Variants in APP observed in about 807,000 individuals in gnomAD.
APP encodes the protein amyloid-beta precursor protein.
Under a neutral mutation model 101.4 loss-of-function variants are expected in APP, and 31 were observed. The observed-to-expected ratio is 0.31, with a 90% confidence interval of 0.23 to 0.41. APP has a LOEUF of 0.41. Among genes scored for constraint, APP ranks in the 10% least tolerant of loss-of-function variants. The pLI, the probability that APP is intolerant of heterozygous loss-of-function variation, is 1.00. For synonymous variants in APP, 366 were observed against 364.4 expected (o/e 1.00, Z -0.05); for missense variants, 839 against 1,003.7 (o/e 0.84, Z 2.22).
chr21:26,034,372 C>T (rs1050644853), intron 5 of APP, among the ~76,000 whole-genome samples: 4 of 152,064 alleles, frequency 2.6e-5, no homozygotes, highest in Non-Finnish European at 5.9e-5. Context: ...CGGCCAGGCA[C>T]GGTGGCTCAG....
In APP at chr21:25,891,863, G is replaced by A. The variant is rs201724975; in HGVS notation, c.2070C>T (p.Phe690=). The A allele has an allele frequency of 1.9e-6, 3 of 1,613,548 alleles. No homozygotes were observed. Among genetic ancestry groups the A allele is most frequent in the African/African-American group, 1.3e-5 (1 of 74,840 alleles). The change falls in exon 17 of 18, where the codon TTC becomes TTT. Residue 690 remains phenylalanine, a synonymous_variant. Coordinates refer to ENST00000346798, the MANE Select transcript of APP (RefSeq NM_000484.4). ...TGTTTGAACCCACATCTTCTGCAAAGAACACCTTGAAAACAAATTAAGAAA... is the reference window on the plus strand; with the variant it reads ...TGTTTGAACCCACATCTTCTGCAAAAAACACCTTGAAAACAAATTAAGAAA... ...GYEVHHQKLV[F]FAEDVGSNKG...
At chr21:26,154,389 C>T (rs972091097) in intron 1 of APP, among the ~76,000 whole-genome samples, 5 of 152,064 alleles carry the variant, frequency 3.3e-5, no homozygotes, top group South Asian at 2.1e-4. Flanking sequence ...CCCAAAAGGT[C>T]CCCCCATTCC....
At chr21:26,017,644 C>T (rs1245877550) in intron 6 of APP, among the ~76,000 whole-genome samples, 2 of 126 alleles carry the variant, frequency 0.016, no homozygotes, top group Non-Finnish European at 0.028. Context: ...TTCCTCTGGA[C>T]AGGGCACAAT....
intron 3 of APP, among the ~76,000 whole-genome samples, chr21:26,062,899 A>G (rs2046327646): frequency 6.6e-6 from 1 of 151,954 alleles, no homozygotes; most frequent in African/African-American, 2.4e-5. Flanking sequence ...GGTAGCTGGG[A>G]CTACAGGCAC....
At position 26,170,739 on chromosome 21, in the gene APP, T is replaced by A; in HGVS notation, c.-119A>T. On this transcript the variant is annotated 5_prime_UTR_variant, in exon 1 of 18. Coordinates refer to ENST00000346798, the MANE Select transcript of APP (RefSeq NM_000484.4). ...GGGCCCCCGCGCACGCTCCTCCGCG[T>A]GCTCTCGCCTACCGCTGCCGAGGAA... 9.2e-7 allele frequency: 1 copy of A among 1,081,268 alleles called. No homozygotes were observed. 67.0% of individuals were successfully genotyped at this position (1,081,268 alleles called of 1,614,324 possible).
chr21:26,158,534 T>C (rs8127388), intron 1 of APP, among the ~76,000 whole-genome samples: 58 of 152,192 alleles, frequency 3.8e-4, no homozygotes, highest in African/African-American at 1.4e-3. Context: ...GCCCATGAGA[T>C]TAAGCAGACC....
At chr21:26,058,955 C>CCTGTA (rs1293105095) in intron 3 of APP, among the ~76,000 whole-genome samples, 1 of 151,726 alleles carries the variant, frequency 6.6e-6, no homozygotes, top group Non-Finnish European at 1.5e-5. Flanking sequence ...GTAGCGGGCG[C>CCTGTA]CTGTAGTCCC....
At chr21:26,133,439 A>G (rs2062834752) in intron 1 of APP, among the ~76,000 whole-genome samples, 1 of 152,210 alleles carries the variant, frequency 6.6e-6, no homozygotes, top group South Asian at 2.1e-4. Context: ...TCATTAGACT[A>G]TGGATTCAGT....
chr21:26,100,647 A>G (rs1030928907), intron 2 of APP, among the ~76,000 whole-genome samples: 10 of 152,198 alleles, frequency 6.6e-5, no homozygotes, highest in African/African-American at 2.4e-4. Flanking sequence ...TAGAGGAGAA[A>G]GTTGGGCAAA....
intron 3 of APP, among the ~76,000 whole-genome samples, chr21:26,089,023 T>C (rs1391236622): frequency 1.3e-5 from 2 of 152,250 alleles, no homozygotes; most frequent in African/African-American, 4.8e-5. Context: ...ATATCCTTAC[T>C]TTGTAAGTTT....
intron 8 of APP, among the ~76,000 whole-genome samples, chr21:25,993,062 G>A (rs188254024): frequency 8.6e-5 from 13 of 151,802 alleles, no homozygotes; most frequent in Middle Eastern, 3.4e-3. Flanking sequence ...GAAAGGCTGC[G>A]TGGTGTGAGT....
At position 26,028,983 on chromosome 21, in the gene APP, T is replaced by C. The variant is rs1273631576; in HGVS notation, c.663-6941A>G. Among the ~76,000 whole-genome samples the C allele has an allele frequency of 7.2e-5, 11 of 152,188 alleles. No homozygotes were observed. In the East Asian group the frequency reaches 2.1e-3, roughly 29 times the overall value. On this transcript the variant is annotated intron_variant, in intron 5 of 17. Transcript: ENST00000346798. ...ACGGAAGAGCCATGTGAACTAAAAA[T>C]GCTGAAGTCGGGCACGGCAAAACCA...
chr21:26,083,104 T>A (rs1198409693), intron 3 of APP, among the ~76,000 whole-genome samples: 1 of 152,198 alleles, frequency 6.6e-6, no homozygotes, highest in Admixed American at 6.5e-5. Flanking sequence ...AGTATTAAAA[T>A]TTTCCTCCAT....
At chr21:26,059,890 CAAAAAAAAAAAAAAAAAA>C (rs57594630) in intron 3 of APP, among the ~76,000 whole-genome samples, 5 of 70,646 alleles carry the variant, frequency 7.1e-5, no homozygotes, top group East Asian at 5.5e-4. Context: ...GACTCCGTCT[CAAAAAAAAAAAAAAAAAA>C]AAAAAAAAAA....
At chr21:25,891,994 G>A in intron 16 of APP, 126 bp from the exon 17 acceptor site, 1 of 820,318 alleles carries the variant, frequency 1.2e-6, no homozygotes, top group Non-Finnish European at 1.8e-6. Flanking sequence ...TATATAAAAA[G>A]TTTCAGTATA....
chr21:25,904,896 TA>T, intron 15 of APP, 127 bp downstream of exon 15: 1 of 817,392 alleles, frequency 1.2e-6, no homozygotes, highest in Non-Finnish European at 2.1e-6. Flanking sequence ...GTTTGGTTTC[TA>T]AGGTCACTTC....
Position 25,955,741 on chromosome 21 carries a change from G to A in APP, c.1473C>T (p.Phe491=), listed in dbSNP as rs1481642232. The stretch of plus-strand genomic sequence containing the variant: ...CGCGGACATACTTCTTTAGCATATT[G>A]AACACGTGACGAGGCTGTGGGAGGA... ...QAVPPRPRHV[F]NMLKKYVRAE... Residue 491 remains phenylalanine, a synonymous_variant, in exon 12 of 18, where the codon TTC becomes TTT. Transcript: ENST00000346798. The A allele has an allele frequency of 1.9e-6, 3 of 1,613,978 alleles. No homozygotes were observed. The highest frequency in any genetic ancestry group is 2.5e-6 in the Non-Finnish European group (3 of 1,180,012).
intron 11 of APP, 69 bp from the exon 12 acceptor site, chr21:25,955,824 GT>G: frequency 1.2e-6 from 2 of 1,608,148 alleles, no homozygotes; most frequent in African/African-American, 2.7e-5. Flanking sequence ...TTGGCGATGG[GT>G]TAGAGGTTCC....
In APP at chr21:25,880,812, TATTTA is replaced by T. The variant is rs1039693147; in HGVS notation, c.*853_*857del. ...AGAAAAGTCTTGCCCGGGGTTATTT[TATTTA>T]ATTTATTTATGTAATACAGTGTAGA... is the stretch of plus-strand genomic sequence containing the variant. On this transcript the variant is annotated 3_prime_UTR_variant, in exon 18 of 18. Coordinates refer to ENST00000346798, the MANE Select transcript of APP (RefSeq NM_000484.4). 1.3e-5 allele frequency: 2 copies of T among 152,480 alleles called. No homozygotes were observed. The highest frequency in any genetic ancestry group is 6.5e-5 in the Admixed American group (1 of 15,278). The allele number at this position is 152,480 out of a possible 1,614,324, so 9.4% of individuals were successfully genotyped here.
Sources: gnomAD v4.1 joint callset for allele counts (sites outside exome capture counted in the v4.1 genomes callset) on GRCh38, gnomAD v4.1.1 for gene constraint, MANE v1.5 for transcripts, NCBI Gene and HGNC (gene_info 2026-07-23, HGNC 2026-07-21) for gene names.